PPP2R3B: variants seen among roughly 807,000 people sequenced by gnomAD.
PPP2R3B encodes protein phosphatase 2 regulatory subunit B''beta, also known as serine/threonine-protein phosphatase 2A regulatory subunit B'' subunit beta.
PPP2R3B carries 68 observed loss-of-function variants against 72.9 expected under a neutral mutation model. The ratio of observed to expected loss-of-function variants is 0.93; its 90% CI spans 0.77 to 1.14. The LOEUF is 1.14. Among genes scored for constraint, PPP2R3B ranks in the 50% most tolerant of loss-of-function variants. The probability of loss-of-function intolerance (pLI) is 0.00; values close to 1 mark genes in which losing one functional copy is unlikely to be tolerated. For missense variants in PPP2R3B, 1,018 were observed against 842.0 expected, an observed-to-expected ratio of 1.21 and a Z score of -2.59; for synonymous variants, 466 against 375.8, an observed-to-expected ratio of 1.24 and a Z score of -2.78.
Position 334,058 on chromosome X carries a change from G to A in PPP2R3B, c.*309C>T, listed in dbSNP as rs1384754974. The A allele has an allele frequency of 1.3e-5, 4 of 298,928 alleles. No homozygotes were observed. The Admixed American group carries it at 1.6e-4, about 12-fold the overall frequency. The allele number at this position is 298,928 out of a possible 1,614,324, so 18.5% of individuals were successfully genotyped here. A position where few individuals can be genotyped will look rare whatever the true frequency, so the allele number is the denominator to read the frequency against. On this transcript the variant is annotated 3_prime_UTR_variant, in exon 13 of 13. Coordinates refer to ENST00000390665, the MANE Select transcript of PPP2R3B (RefSeq NM_013239.5). ...CCCGGGAGCCGCCGGTCACCGTTGTGCGCACACGGACCCTTTCCACAGACG... is the reference window on the plus strand; with the variant it reads ...CCCGGGAGCCGCCGGTCACCGTTGTACGCACACGGACCCTTTCCACAGACG...
chrX:373,198 G>A (rs972952837), intron 1 of PPP2R3B, among the ~76,000 whole-genome samples: 21 of 152,180 alleles, frequency 1.4e-4, no homozygotes, highest in African/African-American at 4.8e-4. Context: ...GGCGCTGACG[G>A]CTCTCACCCG....
chrX:359,290 T>C (rs866785979), intron 2 of PPP2R3B, among the ~76,000 whole-genome samples: 2 of 152,108 alleles, frequency 1.3e-5, no homozygotes, highest in Non-Finnish European at 2.9e-5. Flanking sequence ...CCCCACAACT[T>C]CAAGAGCACC....
At chrX:371,124 C>G (rs1427699567) in intron 1 of PPP2R3B, among the ~76,000 whole-genome samples, 1 of 151,986 alleles carries the variant, frequency 6.6e-6, no homozygotes, top group Admixed American at 6.5e-5. Context: ...ACAGAAGGCC[C>G]GAGAATCCCT....
chrX:372,116 CG>C (rs1430866875), intron 1 of PPP2R3B, among the ~76,000 whole-genome samples: 2 of 152,170 alleles, frequency 1.3e-5, no homozygotes, highest in African/African-American at 4.8e-5. Flanking sequence ...CTGCGACCAG[CG>C]AGCCCGCACC....
chrX:384,278 C>CTA (rs200957201), intron 1 of PPP2R3B, among the ~76,000 whole-genome samples: 258 of 148,376 alleles, frequency 1.7e-3, no homozygotes, highest in South Asian at 7.6e-3. Context: ...CTCTCTCTCT[C>CTA]TCTCTATATA....
chrX:359,807 A>G (rs748557420), intron 2 of PPP2R3B: 5 of 510,378 alleles, frequency 9.8e-6, no homozygotes, highest in South Asian at 2.9e-5. Context: ...TAAAATAACA[A>G]TAAGAGGATA....
intron 12 of PPP2R3B, chrX:337,709 C>A (rs2070928468): frequency 6.6e-6 from 1 of 152,268 alleles, no homozygotes; most frequent in South Asian, 2.1e-4. Flanking sequence ...CTCACCACAG[C>A]CAGCTCTGCC....
At position 346,282 on chromosome X, in the gene PPP2R3B, G is replaced by A. The variant is rs768502587; in HGVS notation, c.793-22C>T. On this transcript the variant is annotated intron_variant, in intron 5 of 12. Coordinates refer to ENST00000390665, the MANE Select transcript of PPP2R3B (RefSeq NM_013239.5). The stretch of plus-strand genomic sequence containing the variant: ...TGACCTGCGGGGGCGCTGTCAGTGC[G>A]GTGGGTGCGCAGAGACCCCCAGGAG... 4.5e-6 allele frequency: 7 copies of A among 1,551,684 alleles called. 1 individual carries two copies. In the South Asian group the frequency reaches 5.9e-5, roughly 13 times the overall value.
Position 346,701 on chromosome X carries a change from C to T in PPP2R3B, c.792G>A (p.Thr264=), listed in dbSNP as rs755906828. ...ASEFHSRYIT[T]VIQRIFYAVN... is the part of the protein sequence containing the mutation. Reference sequence around the variant, plus strand: ...GACGGCCCCTCCGCTGGGGACCCACCGTGGTGATGTAGCGCGAGTGGAACT... The same window carrying T: ...GACGGCCCCTCCGCTGGGGACCCACTGTGGTGATGTAGCGCGAGTGGAACT... The change falls in exon 5 of 13, where the codon ACG becomes ACA. Residue 264 remains threonine (T), a splice_region_variant and synonymous_variant. Transcript: ENST00000390665. The T allele has an allele frequency of 2.5e-6, 4 of 1,607,404 alleles. No individual in the cohort carries two copies. Among genetic ancestry groups the T allele is most frequent in the African/African-American group, 2.7e-5 (2 of 74,804 alleles).
Position 344,065 on chromosome X carries a change from G to A in PPP2R3B, c.1036+1451C>T, listed in dbSNP as rs777144775. On this transcript the variant is annotated intron_variant, in intron 7 of 12. Transcript: ENST00000390665. ...CAACGGGAGGCGGGAGGGAGACGTC[G>A]CCAACGGGAGGCGGGAGGGAGACCT... Among the ~76,000 whole-genome samples the A allele has an allele frequency of 4.3e-3, 241 of 55,512 alleles. 1 individual carries two copies. Among genetic ancestry groups the A allele is most frequent in the African/African-American group, 0.019 (214 of 11,014 alleles). 36.4% of individuals were successfully genotyped at this position (55,512 alleles called of 152,430 possible). A position where few individuals can be genotyped will look rare whatever the true frequency, so the allele number is the denominator to read the frequency against.
At chrX:375,835 C>T (rs1357790785) in intron 1 of PPP2R3B, among the ~76,000 whole-genome samples, 1 of 152,308 alleles carries the variant, frequency 6.6e-6, no homozygotes, top group African/African-American at 2.4e-5. Flanking sequence ...ACGCCCTGTC[C>T]TGCCACGGCG....
chrX:344,462 C>G (rs780609151), intron 7 of PPP2R3B, among the ~76,000 whole-genome samples: 32 of 152,394 alleles, frequency 2.1e-4, no homozygotes, highest in African/African-American at 6.7e-4. Context: ...TGCCGCCCCC[C>G]GCTTCAGGCC....
At chrX:364,526 A>AC (rs1409564472) in intron 1 of PPP2R3B, among the ~76,000 whole-genome samples, 1 of 151,154 alleles carries the variant, frequency 6.6e-6, no homozygotes, top group African/African-American at 2.4e-5. Flanking sequence ...AAAAACAAAA[A>AC]AAAAAAAACA....
At chrX:344,144 TCAGCAACGGGAGGCGGGAGG>T (rs1208023597) in intron 7 of PPP2R3B, among the ~76,000 whole-genome samples, 989 of 98,252 alleles carry the variant, frequency 0.01, 132 homozygotes, top group East Asian at 0.023. Flanking sequence ...GAGGGAGACC[TCAGCAACGGGAGGCGGGAGG>T]GAGACCTCAC....
At chrX:355,824 G>A (rs766842102) in intron 2 of PPP2R3B, among the ~76,000 whole-genome samples, 35 of 152,358 alleles carry the variant, frequency 2.3e-4, no homozygotes, top group Admixed American at 4.6e-4. Context: ...GGGCAGGTGC[G>A]CGTCAGAAAG....
intron 1 of PPP2R3B, among the ~76,000 whole-genome samples, chrX:365,601 G>A (rs1471941161): frequency 4.6e-3 from 27 of 5,814 alleles, no homozygotes; most frequent in Admixed American, 8.2e-3. Flanking sequence ...CCAGCTACTC[G>A]GGAGGCTGAG....
chrX:344,071 GGGAGGCGGGAGGGAGACCTCACCAA>G (rs1456787338), intron 7 of PPP2R3B, among the ~76,000 whole-genome samples: 9 of 147,788 alleles, frequency 6.1e-5, no homozygotes, highest in East Asian at 2.1e-4. Context: ...CGTCGCCAAC[GGGAGGCGGGAGGGAGACCTCACCAA>G]CGGGAGGCGG....
chrX:357,127 A>G (rs1603081688), intron 2 of PPP2R3B, among the ~76,000 whole-genome samples: 2 of 152,318 alleles, frequency 1.3e-5, no homozygotes, highest in African/African-American at 2.4e-5. Context: ...GTGAAATTCT[A>G]AGAGAGGCAA....
intron 2 of PPP2R3B, chrX:359,845 T>C (rs6603251): frequency 0.67 from 342,664 of 512,718 alleles, 116,412 homozygotes; most frequent in African/African-American, 0.84. Context: ...CTATTACCTC[T>C]GGGGTAGAAA....
Sources: gnomAD v4.1 joint callset for allele counts (sites outside exome capture counted in the v4.1 genomes callset) on GRCh38, gnomAD v4.1.1 for gene constraint, MANE v1.5 for transcripts, NCBI Gene and HGNC (gene_info 2026-07-23, HGNC 2026-07-21) for gene names.